The following VPS35L variants were observed in gnomAD, a reference collection of about 807,000 sequenced individuals.
VPS35L encodes the protein VPS35 endosomal protein-sorting factor-like.
Under a neutral mutation model 133.0 loss-of-function variants are expected in VPS35L, and 83 were observed. The observed-to-expected ratio is 0.62, with a 90% CI of 0.52 to 0.75. The LOEUF (loss-of-function observed/expected upper bound fraction) is 0.75, where lower values mean the gene tolerates loss of function less well. VPS35L is among the 30% of genes least tolerant of loss of function. The probability of loss-of-function intolerance (pLI) is 0.00; values close to 1 mark genes in which losing one functional copy is unlikely to be tolerated. For missense variants in VPS35L, 1,083 were observed against 1,206.8 expected (o/e 0.90, Z 1.52); for synonymous variants, 423 against 449.9 (o/e 0.94, Z 0.76).
intron 5 of VPS35L, among the ~76,000 whole-genome samples, chr16:19,577,321 G>A (rs1481603171): frequency 1.3e-5 from 2 of 152,138 alleles, no homozygotes; most frequent in African/African-American, 4.8e-5. Flanking sequence ...GGGAGAAAAT[G>A]CCAGGCTTTT....
intron 6 of VPS35L, among the ~76,000 whole-genome samples, chr16:19,580,031 C>T (rs1218754065): frequency 6.6e-6 from 1 of 151,508 alleles, no homozygotes; most frequent in Non-Finnish European, 1.5e-5. Context: ...GAAACCCCGT[C>T]TCTACTAAAA....
rs146896131 is a variant in VPS35L at position 19,666,259 on chromosome 16, T to G, written c.2222-2901T>G. ...TACTCAAAGAGGGGACAATATTCTT[T>G]ACTACTGGGAATCTGAGTTCTCCTT... On this transcript the variant is annotated intron_variant, in intron 26 of 30. Coordinates refer to ENST00000417362, the MANE Select transcript of VPS35L (RefSeq NM_020314.7). Among the ~76,000 whole-genome samples, 628 of 152,274 alleles carry G rather than the reference T, an allele frequency of 4.1e-3. 6 individuals are homozygous for G. Among genetic ancestry groups the G allele is most frequent in the African/African-American group, 0.015 (604 of 41,556 alleles).
intron 7 of VPS35L, among the ~76,000 whole-genome samples, chr16:19,586,551 G>C (rs1971871432): frequency 6.6e-6 from 1 of 151,938 alleles, no homozygotes; most frequent in Non-Finnish European, 1.5e-5. Flanking sequence ...TGTTGGCCAG[G>C]CTGGTCTCGA....
At chr16:19,588,171 G>A (rs1971931591) in intron 7 of VPS35L, among the ~76,000 whole-genome samples, 1 of 150,250 alleles carries the variant, frequency 6.7e-6, no homozygotes, top group Non-Finnish European at 1.5e-5. Flanking sequence ...ATGTATGTAT[G>A]TATGTATGTA....
intron 12 of VPS35L, among the ~76,000 whole-genome samples, chr16:19,614,503 C>T (rs533118960): frequency 3.5e-4 from 54 of 152,214 alleles, no homozygotes; most frequent in Non-Finnish European, 6.8e-4. Flanking sequence ...CACCACCTCC[C>T]GGGTTCAAGC....
chr16:19,570,834 CATATATATATATATATATATA>C (rs1971340741), intron 3 of VPS35L, among the ~76,000 whole-genome samples: 1 of 78,806 alleles, frequency 1.3e-5, no homozygotes, highest in African/African-American at 3.9e-5. Flanking sequence ...TGCTGTGTTT[CATATATATATATATATATATA>C]TATATATATA....
At chr16:19,608,299 T>C in intron 10 of VPS35L, 25 bp downstream of exon 10, 1 of 1,458,300 alleles carries the variant, frequency 6.9e-7, no homozygotes, top group Non-Finnish European at 9.6e-7. Context: ...TTTTTTGGTC[T>C]GATGATTTTA....
Position 19,579,139 on chromosome 16 carries a change from C to A in VPS35L, c.510+11C>A. 1 of 1,612,618 alleles carries A rather than the reference C, an allele frequency of 6.2e-7. No individual in the cohort carries two copies. The highest frequency in any genetic ancestry group is 8.5e-7 in the Non-Finnish European group (1 of 1,179,200). On this transcript the variant is annotated intron_variant, in intron 6 of 30. Transcript: ENST00000417362. ...GATGACTTTGAGGAGGTGAGCAAGTCATTTGTGGAATACAGGGAGTGGGAG... is the reference window on the plus strand; with the variant it reads ...GATGACTTTGAGGAGGTGAGCAAGTAATTTGTGGAATACAGGGAGTGGGAG...
chr16:19,622,526 T>G (rs920012354), intron 14 of VPS35L, among the ~76,000 whole-genome samples: 1 of 152,072 alleles, frequency 6.6e-6, no homozygotes, highest in Non-Finnish European at 1.5e-5. Flanking sequence ...TACTTGAGTT[T>G]GGTGTCTCAC....
At chr16:19,594,639 C>G (rs1489261910) in intron 8 of VPS35L, among the ~76,000 whole-genome samples, 1 of 59,058 alleles carries the variant, frequency 1.7e-5, no homozygotes, top group African/African-American at 6.8e-5. Flanking sequence ...GCTGAGATTT[C>G]GTCTCAAAAA....
chr16:19,682,062 T>C (rs1181535301), intron 27 of VPS35L, among the ~76,000 whole-genome samples, 163 bp from the exon 28 acceptor site: 1 of 152,222 alleles, frequency 6.6e-6, no homozygotes, highest in African/African-American at 2.4e-5. Flanking sequence ...TTCCTCTGTA[T>C]TGTTTAACCA....
intron 24 of VPS35L, among the ~76,000 whole-genome samples, chr16:19,648,305 C>T (rs1274221936): frequency 1.3e-5 from 2 of 152,086 alleles, no homozygotes; most frequent in Non-Finnish European, 2.9e-5. Context: ...TTACTCTTCT[C>T]TATGGTATGA....
chr16:19,585,111 G>A (rs1418790158), intron 7 of VPS35L, among the ~76,000 whole-genome samples: 2 of 152,156 alleles, frequency 1.3e-5, no homozygotes, highest in African/African-American at 4.8e-5. Context: ...GTATTCTAAT[G>A]TGTGGTTATC....
At chr16:19,652,671 A>C (rs1405766294) in intron 26 of VPS35L, 1 of 152,472 alleles carries the variant, frequency 6.6e-6, no homozygotes, top group East Asian at 1.9e-4. Flanking sequence ...CATGCAGCTC[A>C]GACATCCTGA....
rs142071898 is a variant in VPS35L, at chr16:19,608,084, C to G, written c.785-94C>G. ...AGGAAAGAAACAGGCTGAGTCACCC[C>G]CTTTTCTGCTCCAGGGTAATGTATT... On this transcript the variant is annotated intron_variant, in intron 9 of 30. Coordinates refer to ENST00000417362, the MANE Select transcript of VPS35L (RefSeq NM_020314.7). 1,993 of 865,706 alleles carry G rather than the reference C, an allele frequency of 2.3e-3. 36 individuals are homozygous for G. Among genetic ancestry groups the G allele is most frequent in the South Asian group, 0.017 (1,160 of 70,140 alleles). 53.6% of individuals were successfully genotyped at this position (865,706 alleles called of 1,614,324 possible). A position where few individuals can be genotyped will look rare whatever the true frequency, so the allele number is the denominator to read the frequency against.
In VPS35L at chr16:19,639,917, G is replaced by C. The variant is rs1222053264; in HGVS notation, c.1699-98G>C. The C allele has an allele frequency of 9.7e-7, 1 of 1,025,670 alleles. No homozygotes were observed. Among genetic ancestry groups the C allele is most frequent in the Non-Finnish European group, 1.5e-6 (1 of 681,194 alleles). The allele number at this position is 1,025,670 out of a possible 1,614,324, so 63.5% of individuals were successfully genotyped here. A position where few individuals can be genotyped will look rare whatever the true frequency, so the allele number is the denominator to read the frequency against. The stretch of plus-strand genomic sequence containing the variant: ...ACCCGACTCAGAGAGATGAACCTCT[G>C]TTCTGCTTCTTTGAACTCCACAGAA... On this transcript the variant is annotated intron_variant, in intron 20 of 30. Coordinates refer to ENST00000417362, the MANE Select transcript of VPS35L (RefSeq NM_020314.7). The surrounding 1 kb of genome is among the most constrained non-coding windows in gnomAD (Gnocchi z 4.1).
chr16:19,581,235 A>G (rs1971699326), intron 6 of VPS35L, among the ~76,000 whole-genome samples: 2 of 152,142 alleles, frequency 1.3e-5, no homozygotes, highest in Admixed American at 1.3e-4. Flanking sequence ...TGTGAGAGGA[A>G]AATAGCTTAC....
chr16:19,689,335 A>G (rs1028975607), intron 28 of VPS35L, among the ~76,000 whole-genome samples: 1 of 150,632 alleles, frequency 6.6e-6, no homozygotes, highest in Non-Finnish European at 1.5e-5. Flanking sequence ...CAGTGGCTCC[A>G]TCTCGGCTCA....
chr16:19,581,679 C>T, intron 7 of VPS35L, 26 bp downstream of exon 7: 1 of 1,610,716 alleles, frequency 6.2e-7, no homozygotes, highest in East Asian at 2.2e-5. Context: ...CCCCCACCCC[C>T]ACCCAGAATT....
Sources: gnomAD v4.1 joint callset for allele counts (sites outside exome capture counted in the v4.1 genomes callset) on GRCh38, gnomAD v4.1.1 for gene constraint, Gnocchi (gnomAD v3.1) non-coding constraint, MANE v1.5 for transcripts, NCBI Gene and HGNC (gene_info 2026-07-23, HGNC 2026-07-21) for gene names.